Variants in MED13L observed in about 807,000 individuals in gnomAD.
MED13L encodes the protein mediator complex subunit 13L, also known as mediator of RNA polymerase II transcription subunit 13-like.
MED13L carries 7 observed loss-of-function variants against 220.9 expected under a neutral mutation model. That is an observed-to-expected ratio of 0.03 (90% CI 0.02 to 0.06). MED13L has a LOEUF of 0.06. Ranked by LOEUF, MED13L falls within the 10% of genes least tolerant of loss-of-function variation. The pLI is 1.00. For synonymous variants in MED13L, 1,011 were observed against 1,015.2 expected, an observed-to-expected ratio of 1.00 and a Z score of 0.08; for missense variants, 1,965 against 2,760.5, an observed-to-expected ratio of 0.71 and a Z score of 6.46.
chr12:116,237,922 TACTAAAATAAAA>T (rs1369319502), intron 1 of MED13L, among the ~76,000 whole-genome samples: 3 of 152,194 alleles, frequency 2.0e-5, no homozygotes, highest in Non-Finnish European at 4.4e-5. Flanking sequence ...TTACATTAAA[TACTAAAATAAAA>T]CAAGCTGATA....
chr12:116,276,328 G>GTATC (rs1873820029), intron 1 of MED13L: 1 of 499,790 alleles, frequency 2.0e-6, no homozygotes, highest in Admixed American at 2.7e-5. Context: ...GTGTGTGTGT[G>GTATC]TGTGTGTGTG....
chr12:115,980,961 A>G (rs776571404), intron 22 of MED13L, 23 bp from the exon 23 acceptor site: 6 of 1,600,396 alleles, frequency 3.7e-6, no homozygotes, highest in East Asian at 2.2e-5. Context: ...ATACAAAAAA[A>G]AAACAAAAAC....
At chr12:116,145,494 C>CTT (rs947554489) in intron 2 of MED13L, among the ~76,000 whole-genome samples, 2 of 151,588 alleles carry the variant, frequency 1.3e-5, no homozygotes, top group Non-Finnish European at 2.9e-5. Flanking sequence ...GCTTCAAGCG[C>CTT]TTTTTTTTCT....
At chr12:116,119,429 A>C (rs1342198933) in intron 2 of MED13L, among the ~76,000 whole-genome samples, 1 of 152,122 alleles carries the variant, frequency 6.6e-6, no homozygotes, top group Non-Finnish European at 1.5e-5. Context: ...CGCCGATTGT[A>C]AAAGTGCCAA....
chr12:116,237,430 G>T, intron 2 of MED13L, 38 bp downstream of exon 2: 3 of 1,455,014 alleles, frequency 2.1e-6, no homozygotes, highest in South Asian at 1.1e-5. Context: ...AAAAAAATAT[G>T]ATGCAAATAA....
intron 2 of MED13L, among the ~76,000 whole-genome samples, chr12:116,114,279 C>T (rs935539502): frequency 2.0e-5 from 3 of 152,206 alleles, no homozygotes; most frequent in African/African-American, 7.2e-5. Flanking sequence ...AACAAACTCC[C>T]TCTAATTATT....
In MED13L at chr12:116,009,070, C is replaced by G. The variant is rs1879229786; in HGVS notation, c.1343G>C (p.Gly448Ala). 6.2e-7 allele frequency: 1 copy of G among 1,613,988 alleles called. No homozygotes were observed. Among genetic ancestry groups the G allele is most frequent in the Non-Finnish European group, 8.5e-7 (1 of 1,179,974 alleles). ...PNRPPTVSQP[G>A]FSAGPSSSSS... ...AGATGATGATGGTCCTGCACTGAAC[C>G]CTGGTTGAGATACTGTGGGAGGTCG... is the stretch of plus-strand genomic sequence containing the variant. Residue 448 changes from glycine (G) to alanine (A), a missense_variant, in exon 10 of 31, where the codon GGG (glycine) becomes GCG (alanine). Around this residue, in one of 10 missense-constraint regions of MED13L, gnomAD observed 818 missense variants for 1,041.2 expected, o/e 0.79. Transcript: ENST00000281928.
At chr12:116,221,108 C>T (rs957408081) in intron 2 of MED13L, among the ~76,000 whole-genome samples, 59 of 151,968 alleles carry the variant, frequency 3.9e-4, no homozygotes, top group African/African-American at 1.4e-3. Context: ...GGAGTGGTGG[C>T]TCATGTGTGT....
intron 29 of MED13L, among the ~76,000 whole-genome samples, chr12:115,965,295 C>T (rs1876069849): frequency 6.6e-6 from 1 of 152,212 alleles, no homozygotes; most frequent in African/African-American, 2.4e-5. Flanking sequence ...TTGATTCAAT[C>T]AGTCCCTCAC....
At position 115,975,724 on chromosome 12, in the gene MED13L, G is replaced by A; in HGVS notation, c.5379C>T (p.Ile1793=). The A allele has an allele frequency of 6.2e-7, 1 of 1,613,852 alleles. No homozygotes were observed. The highest frequency in any genetic ancestry group is 8.5e-7 in the Non-Finnish European group (1 of 1,179,978). The change falls in exon 24 of 31, where the codon ATC becomes ATT. Residue 1793 remains isoleucine (I), a synonymous_variant. Coordinates refer to ENST00000281928, the MANE Select transcript of MED13L (RefSeq NM_015335.5). The part of the protein sequence containing the change: ...TLKNPERPSP[I]QLYSPPFILA... ...ATATAAAGGGAGGGGAGTAAAGCTG[G>A]ATTGGGCTGGGCCGCTGAAATCAAA...
intron 9 of MED13L, among the ~76,000 whole-genome samples, chr12:116,012,284 A>G (rs1879458103): frequency 6.6e-6 from 1 of 152,214 alleles, no homozygotes; most frequent in Admixed American, 6.5e-5. Flanking sequence ...AAAAAAAGCA[A>G]TCTGAGGACG....
At chr12:116,242,302 C>T (rs563999449) in intron 1 of MED13L, among the ~76,000 whole-genome samples, 13 of 152,244 alleles carry the variant, frequency 8.5e-5, no homozygotes, top group African/African-American at 3.1e-4. Context: ...GCCTTGGCCT[C>T]CCAAAGTGCT....
intron 4 of MED13L, among the ~76,000 whole-genome samples, chr12:116,091,185 A>T (rs1291151866): frequency 2.0e-5 from 3 of 151,868 alleles, no homozygotes; most frequent in East Asian, 1.9e-4. Flanking sequence ...AAAAGAATTT[A>T]AAAAACAAGG....
chr12:116,056,631 G>A (rs560838105), intron 4 of MED13L, among the ~76,000 whole-genome samples: 1 of 152,216 alleles, frequency 6.6e-6, no homozygotes, highest in South Asian at 2.1e-4. Flanking sequence ...AACTACTGCT[G>A]GTGATAAACT....
At chr12:116,209,005 A>G (rs1407890202) in intron 2 of MED13L, among the ~76,000 whole-genome samples, 1 of 152,124 alleles carries the variant, frequency 6.6e-6, no homozygotes, top group Admixed American at 6.5e-5. Flanking sequence ...GGGAAAAAAA[A>G]GGAAATACTA....
At chr12:116,101,764 T>TA (rs1565877953) in intron 3 of MED13L, among the ~76,000 whole-genome samples, 1 of 152,204 alleles carries the variant, frequency 6.6e-6, no homozygotes, top group Non-Finnish European at 1.5e-5. Flanking sequence ...TTTTACACTC[T>TA]ATCAAGCTTT....
At chr12:116,110,162 T>C (rs917789752) in intron 3 of MED13L, 2 of 152,134 alleles carry the variant, frequency 1.3e-5, no homozygotes, top group African/African-American at 4.8e-5. Flanking sequence ...GCCTGGAACA[T>C]ATTGCTATGC....
intron 1 of MED13L, 93 bp downstream of exon 1, chr12:116,276,967 C>A (rs944727913): frequency 8.0e-6 from 11 of 1,382,318 alleles, no homozygotes; most frequent in Non-Finnish European, 1.1e-5. Context: ...GGGCGAAGTC[C>A]CGGCGGCGGG....
chr12:116,189,352 ATTTT>A (rs917350978), intron 2 of MED13L, among the ~76,000 whole-genome samples: 1 of 151,114 alleles, frequency 6.6e-6, no homozygotes, highest in Non-Finnish European at 1.5e-5. Flanking sequence ...GACTAGTTGG[ATTTT>A]TTTTTAATAC....
Sources: allele counts gnomAD v4.1 joint callset (sites outside exome capture counted in the v4.1 genomes callset), GRCh38; gene constraint gnomAD v4.1.1; regional missense constraint gnomAD v4.1.1; transcripts MANE v1.5; gene names NCBI Gene and HGNC (gene_info 2026-07-23, HGNC 2026-07-21).